The following KYAT3 variants were observed in gnomAD, a reference collection of about 807,000 sequenced individuals.
KYAT3 encodes kynurenine aminotransferase 3.
In KYAT3, 50 loss-of-function variants were observed where a neutral mutation model predicts 59.0. That is an observed-to-expected ratio of 0.85 (90% CI 0.68 to 1.07). The LOEUF (loss-of-function observed/expected upper bound fraction) is 1.07, where lower values mean the gene tolerates loss of function less well. Among genes scored for constraint, KYAT3 ranks in the 50% least tolerant of loss-of-function variants. The probability of loss-of-function intolerance (pLI) is 0.00; values close to 1 mark genes in which losing one functional copy is unlikely to be tolerated. For synonymous variants in KYAT3, 148 were observed against 177.0 expected, an observed-to-expected ratio of 0.84 and a Z score of 1.30; for missense variants, 497 against 533.3, an observed-to-expected ratio of 0.93 and a Z score of 0.67.
At chr1:88,983,777 G>C in intron 2 of KYAT3, 2 of 1,613,740 alleles carry the variant, frequency 1.2e-6, no homozygotes, top group Non-Finnish European at 1.7e-6. Flanking sequence ...ATTTGTTTCC[G>C]TATTAAGCCC....
chr1:88,978,439 G>T (rs1676903540), intron 2 of KYAT3, among the ~76,000 whole-genome samples: 2 of 151,910 alleles, frequency 1.3e-5, no homozygotes, highest in African/African-American at 2.4e-5. Context: ...CCTGGCTAAG[G>T]TGATCTCCAC....
chr1:88,986,819 C>T (rs1677483861), intron 2 of KYAT3, among the ~76,000 whole-genome samples: 1 of 152,122 alleles, frequency 6.6e-6, no homozygotes, highest in Non-Finnish European at 1.5e-5. Flanking sequence ...TTAAACTTAT[C>T]ACTATTGCTT....
chr1:88,953,271 A>T lies in KYAT3; in HGVS notation c.865-119T>A, dbSNP rs910051795. Reference sequence around the variant, plus strand: ...TACAATCCTAAAATGTTGGCTGGGTATGGTGACTCACACCTGTAATCCCAG... The same window carrying T: ...TACAATCCTAAAATGTTGGCTGGGTTTGGTGACTCACACCTGTAATCCCAG... On this transcript the variant is annotated intron_variant, in intron 9 of 13. Transcript: ENST00000260508. 4 of 673,280 alleles carry T rather than the reference A, an allele frequency of 5.9e-6. No homozygotes were observed. The Admixed American group carries it at 9.5e-5, about 16-fold the overall frequency. The allele number at this position is 673,280 out of a possible 1,614,324, so 41.7% of individuals were successfully genotyped here.
chr1:88,936,590 A>G (rs1675046695), intron 13 of KYAT3, among the ~76,000 whole-genome samples: 1 of 152,188 alleles, frequency 6.6e-6, no homozygotes, highest in Non-Finnish European at 1.5e-5. Context: ...CCAAAATCTA[A>G]TAATGTGCTT....
At chr1:88,947,533 G>C (rs1234004669) in intron 11 of KYAT3, among the ~76,000 whole-genome samples, 1 of 152,154 alleles carries the variant, frequency 6.6e-6, no homozygotes, top group African/African-American at 2.4e-5. Context: ...GTATAAACCA[G>C]TTTCCAGGGA....
intron 13 of KYAT3, among the ~76,000 whole-genome samples, chr1:88,940,889 C>G (rs1469385720): frequency 2.6e-5 from 4 of 152,174 alleles, no homozygotes; most frequent in African/African-American, 9.7e-5. Context: ...GAGTATGCTG[C>G]CTGCTGGCTT....
intron 1 of KYAT3, among the ~76,000 whole-genome samples, chr1:88,989,432 T>C (rs72726527): frequency 0.018 from 2,714 of 152,328 alleles, 34 homozygotes; most frequent in Non-Finnish European, 0.028. Flanking sequence ...AGTTTCTCCA[T>C]TTTTCACAAT....
intron 13 of KYAT3, among the ~76,000 whole-genome samples, chr1:88,942,745 G>A (rs1024447907): frequency 1.3e-5 from 2 of 151,788 alleles, no homozygotes; most frequent in Non-Finnish European, 2.9e-5. Flanking sequence ...TGTATTTTTA[G>A]TAGAGACGGG....
At chr1:88,963,904 T>G (rs1250240336) in intron 5 of KYAT3, among the ~76,000 whole-genome samples, 1 of 152,182 alleles carries the variant, frequency 6.6e-6, no homozygotes, top group African/African-American at 2.4e-5. Flanking sequence ...ACCTTCCTAT[T>G]ATATTAATAC....
chr1:88,964,227 C>A (rs1157725449), intron 5 of KYAT3, among the ~76,000 whole-genome samples: 2 of 152,096 alleles, frequency 1.3e-5, no homozygotes, highest in Non-Finnish European at 2.9e-5. Context: ...ATCACAAAAA[C>A]ATCCTCACAT....
At chr1:88,977,239 T>C (rs930666096) in intron 2 of KYAT3, among the ~76,000 whole-genome samples, 1 of 152,194 alleles carries the variant, frequency 6.6e-6, no homozygotes, top group Admixed American at 6.5e-5. Flanking sequence ...TTCGCTCTTG[T>C]TGCCCAGGTT....
At chr1:88,986,824 T>C (rs1677484127) in intron 2 of KYAT3, among the ~76,000 whole-genome samples, 3 of 152,170 alleles carry the variant, frequency 2.0e-5, no homozygotes, top group Admixed American at 6.5e-5. Context: ...CTTATCACTA[T>C]TGCTTTTGTA....
At chr1:88,943,482 C>A in intron 11 of KYAT3, 59 bp from the exon 12 acceptor site, 2 of 849,920 alleles carry the variant, frequency 2.4e-6, no homozygotes, top group South Asian at 3.0e-5. Flanking sequence ...ACATGTATTT[C>A]ATTTAAGTCT....
chr1:88,983,122 T>G, intron 2 of KYAT3: 1 of 1,612,400 alleles, frequency 6.2e-7, no homozygotes. Context: ...GTGGTGGTGG[T>G]GCATAATCTC....
At chr1:88,968,858 T>C (rs758583463) in intron 3 of KYAT3, 44 bp from the exon 4 acceptor site, 22 of 1,436,764 alleles carry the variant, frequency 1.5e-5, no homozygotes, top group East Asian at 2.6e-5. Flanking sequence ...TCTACAATTA[T>C]AAAGTTCGCT....
In KYAT3 at chr1:88,943,049, T is replaced by A. The variant is rs1675299810; in HGVS notation, c.1258A>T (p.Thr420Ser). The A allele has an allele frequency of 6.2e-7, 1 of 1,613,322 alleles. No homozygotes were observed. Among genetic ancestry groups the A allele is most frequent in the Non-Finnish European group, 8.5e-7 (1 of 1,179,740 alleles). ...ACAAACTTCTCAAACTGTGATTTAG[T>A]CTCTGAGTTACAGAATGCTGAAACG... is the stretch of plus-strand genomic sequence containing the variant. ...IPVSAFCNSE[T>S]KSQFEKFVRF... The change falls in exon 13 of 14, where the codon ACT becomes TCT. Residue 420 changes from threonine to serine, a missense_variant. Physicochemically the swap from Thr to Ser is moderately conservative, Grantham distance 58. Around this residue, in one of 2 missense-constraint regions of KYAT3, gnomAD observed 28 missense variants for 54.2 expected, o/e 0.52. Coordinates refer to ENST00000260508, the MANE Select transcript of KYAT3 (RefSeq NM_001008661.3).
intron 10 of KYAT3, among the ~76,000 whole-genome samples, chr1:88,949,544 G>C (rs1471260692): frequency 6.6e-6 from 1 of 152,192 alleles, no homozygotes; most frequent in Non-Finnish European, 1.5e-5. Flanking sequence ...CTTAAAGGTG[G>C]CTTGCTTGGA....
chr1:88,938,308 A>G (rs1342696685), intron 13 of KYAT3, among the ~76,000 whole-genome samples: 3 of 152,152 alleles, frequency 2.0e-5, no homozygotes, highest in Non-Finnish European at 1.5e-5. Flanking sequence ...GGATTTCATT[A>G]TATATTTTTC....
At chr1:88,965,165 A>G (rs780010553) in intron 4 of KYAT3, among the ~76,000 whole-genome samples, 187 bp from the exon 5 acceptor site, 10 of 152,356 alleles carry the variant, frequency 6.6e-5, no homozygotes, top group Middle Eastern at 3.4e-3. Flanking sequence ...GTATTCCCAC[A>G]CTATTTGTCA....
Sources: allele counts gnomAD v4.1 joint callset (sites outside exome capture counted in the v4.1 genomes callset), GRCh38; gene constraint gnomAD v4.1.1; regional missense constraint gnomAD v4.1.1; transcripts MANE v1.5; gene names NCBI Gene and HGNC (gene_info 2026-07-23, HGNC 2026-07-21).